Variants in ATP8A2 observed in about 807,000 individuals in gnomAD.
ATP8A2 encodes ATPase phospholipid transporting 8A2, also known as phospholipid-transporting ATPase IB.
ATP8A2 carries 100 observed loss-of-function variants against 165.6 expected under a neutral mutation model. That is an observed-to-expected ratio of 0.60 (90% confidence interval 0.51 to 0.71). The LOEUF is 0.71. ATP8A2 is among the 30% of genes least tolerant of loss of function. ATP8A2 has a pLI of 0.00. For synonymous variants in ATP8A2, 543 were observed against 548.8 expected (o/e 0.99, Z 0.15); for missense variants, 1,227 against 1,479.5 (o/e 0.83, Z 2.80).
chr13:25,752,993 T>G (rs573562659), intron 25 of ATP8A2, among the ~76,000 whole-genome samples: 1 of 152,194 alleles, frequency 6.6e-6, no homozygotes, highest in East Asian at 1.9e-4. Flanking sequence ...CTCTCCCCTC[T>G]TGCACTGTGG....
chr13:25,810,526 G>GAAAAAAA (rs1017470795), intron 27 of ATP8A2, among the ~76,000 whole-genome samples: 1 of 138,518 alleles, frequency 7.2e-6, no homozygotes, highest in African/African-American at 2.6e-5. Flanking sequence ...TTTTTTTAAG[G>GAAAAAAA]AAAAAAAAAA....
intron 2 of ATP8A2, among the ~76,000 whole-genome samples, chr13:25,518,277 A>T (rs542292465): frequency 2.0e-4 from 30 of 152,228 alleles, no homozygotes; most frequent in Non-Finnish European, 3.7e-4. Context: ...ATGATATCCT[A>T]TCGGGAGCCT....
At chr13:25,529,924 A>G in intron 2 of ATP8A2, 75 bp from the exon 3 acceptor site, 1 of 819,846 alleles carries the variant, frequency 1.2e-6, no homozygotes, top group Non-Finnish European at 1.9e-6. Flanking sequence ...AAAACTTTCT[A>G]AACTTCTTGT....
intron 24 of ATP8A2, among the ~76,000 whole-genome samples, chr13:25,693,392 G>C (rs1006314738): frequency 2.6e-5 from 4 of 152,166 alleles, no homozygotes; most frequent in African/African-American, 9.7e-5. Context: ...AGTGGGCATG[G>C]AAAGTGCAGG....
Position 25,953,760 on chromosome 13 carries a change from T to C in ATP8A2, c.3184-7815T>C, listed in dbSNP as rs1452578187. 2.0e-5 allele frequency among the ~76,000 whole-genome samples: 3 copies of C among 151,898 alleles called. No homozygotes were observed. Among genetic ancestry groups the C allele is most frequent in the African/African-American group, 4.8e-5 (2 of 41,350 alleles). ...CGGGAAGCACAGGGGATTGAGGAAC[T>C]CCCTCCCCTAGCCGAGGGAAGCCGT... On this transcript the variant is annotated intron_variant, in intron 33 of 36. Transcript: ENST00000381655. The surrounding 1 kb of genome is among the most constrained non-coding windows in gnomAD (Gnocchi z 6.7).
At position 25,630,261 on chromosome 13, in the gene ATP8A2, G is replaced by A. The variant is rs144065579; in HGVS notation, c.2211+40562G>A. ...ATTCTAGTTTTGCTTTCAATTAGTG[G>A]AAAATAATGCATTCATAGAACAATT... On this transcript the variant is annotated intron_variant, in intron 24 of 36. Transcript: ENST00000381655. 5.1e-3 allele frequency among the ~76,000 whole-genome samples: 774 copies of A among 152,158 alleles called. 5 individuals are homozygous for A. Among genetic ancestry groups the A allele is most frequent in the African/African-American group, 0.017 (710 of 41,498 alleles).
chr13:25,768,897 T>C (rs1021362001), intron 25 of ATP8A2, 149 bp from the exon 26 acceptor site: 1 of 758,824 alleles, frequency 1.3e-6, no homozygotes. Context: ...TACTGTTTTC[T>C]GAAAGCTTCT....
rs751387024 is a variant in ATP8A2, at chr13:25,689,496, T to C, written c.2212-9677T>C. 8.5e-5 allele frequency among the ~76,000 whole-genome samples: 13 copies of C among 152,338 alleles called. No homozygotes were observed. The Middle Eastern group carries it at 0.01, about 120-fold the overall frequency. ...TTTCATTTGTAAATGTAATCTCCAT[T>C]GTGCTCAGTTTGGGCCCTTTATAAT... On this transcript the variant is annotated intron_variant, in intron 24 of 36. Coordinates refer to ENST00000381655, the MANE Select transcript of ATP8A2 (RefSeq NM_016529.6).
intron 1 of ATP8A2, among the ~76,000 whole-genome samples, chr13:25,456,421 G>C (rs1254515092): frequency 1.3e-5 from 2 of 152,182 alleles, no homozygotes; most frequent in Non-Finnish European, 2.9e-5. Flanking sequence ...GCACAGACTG[G>C]ACTGCTGCAC....
At chr13:25,406,008 A>G (rs556081168) in intron 1 of ATP8A2, among the ~76,000 whole-genome samples, 7 of 152,278 alleles carry the variant, frequency 4.6e-5, no homozygotes, top group South Asian at 2.1e-4. Context: ...TTGAGGACTC[A>G]CCTTCCAGGA....
At chr13:25,551,316 G>C (rs2038815124) in intron 10 of ATP8A2, 22 bp from the exon 11 acceptor site, 1 of 1,602,050 alleles carries the variant, frequency 6.2e-7, no homozygotes, top group Admixed American at 1.7e-5. Flanking sequence ...GACCCTTACT[G>C]ACTTTCAATG....
chr13:25,978,422 G>A (rs1210630190), intron 35 of ATP8A2, among the ~76,000 whole-genome samples: 2 of 152,134 alleles, frequency 1.3e-5, no homozygotes, highest in Non-Finnish European at 2.9e-5. Flanking sequence ...AAACAAACAG[G>A]CAGGTACACC....
chr13:25,525,694 T>C (rs1035127202), intron 2 of ATP8A2, among the ~76,000 whole-genome samples: 2 of 152,146 alleles, frequency 1.3e-5, no homozygotes, highest in Non-Finnish European at 2.9e-5. Flanking sequence ...GGAGGTTCTT[T>C]ATACGTTATT....
chr13:25,993,620 T>C (rs1168006066), intron 35 of ATP8A2, among the ~76,000 whole-genome samples: 1 of 152,244 alleles, frequency 6.6e-6, no homozygotes, highest in Non-Finnish European at 1.5e-5. Flanking sequence ...TTCCACTGAA[T>C]TGCTTTTGCA....
chr13:25,593,589 A>C (rs2040152933), intron 24 of ATP8A2, among the ~76,000 whole-genome samples: 1 of 152,146 alleles, frequency 6.6e-6, no homozygotes, highest in South Asian at 2.1e-4. Flanking sequence ...AAGTACTGAG[A>C]GATTAGCTTT....
Position 25,942,920 on chromosome 13 carries a change from T to G in ATP8A2, c.3184-18655T>G, listed in dbSNP as rs144007131. Among the ~76,000 whole-genome samples, 179 of 152,272 alleles carry G rather than the reference T, an allele frequency of 1.2e-3. 2 individuals carry two copies. The East Asian group carries it at 0.033, about 28-fold the overall frequency. On this transcript the variant is annotated intron_variant, in intron 33 of 36. Coordinates refer to ENST00000381655, the MANE Select transcript of ATP8A2 (RefSeq NM_016529.6). ...ATGTTTTCCATTTGGACGAGTAGTA[T>G]TGCCTTTTTGCCAGAACTCCCTCCC...
At chr13:25,799,745 C>G (rs1950581709) in intron 27 of ATP8A2, among the ~76,000 whole-genome samples, 1 of 152,152 alleles carries the variant, frequency 6.6e-6, no homozygotes, top group African/African-American at 2.4e-5. Context: ...GGAAGCTGCC[C>G]TCAAAGCATT....
At chr13:25,555,126 GT>G in intron 13 of ATP8A2, 58 bp downstream of exon 13, 2 of 1,253,076 alleles carry the variant, frequency 1.6e-6, no homozygotes, top group Non-Finnish European at 1.2e-6. Flanking sequence ...GAAAATGAGT[GT>G]TAGCAGAAGA....
chr13:25,703,409 A>G (rs2042990992), intron 25 of ATP8A2, among the ~76,000 whole-genome samples: 1 of 152,160 alleles, frequency 6.6e-6, no homozygotes, highest in East Asian at 1.9e-4. Context: ...TTTCCTCAAA[A>G]AGCTAAATCT....
Sources: gnomAD v4.1 joint callset for allele counts (sites outside exome capture counted in the v4.1 genomes callset) on GRCh38, gnomAD v4.1.1 for gene constraint, Gnocchi (gnomAD v3.1) non-coding constraint, MANE v1.5 for transcripts, NCBI Gene and HGNC (gene_info 2026-07-23, HGNC 2026-07-21) for gene names.